The following EMB variants were observed in gnomAD, a reference collection of about 807,000 sequenced individuals.
The protein encoded by EMB is embigin homolog.
EMB carries 31 observed loss-of-function variants against 41.4 expected under a neutral mutation model. The observed-to-expected ratio is 0.75, with a 90% CI of 0.56 to 1.01. EMB has a LOEUF of 1.01. EMB is among the 50% of genes least tolerant of loss of function. The pLI is 0.00. For missense variants in EMB, 379 were observed against 388.3 expected, an observed-to-expected ratio of 0.98 and a Z score of 0.20; for synonymous variants, 137 against 140.4, an observed-to-expected ratio of 0.98 and a Z score of 0.17.
rs1745199056 is a variant in EMB, at chr5:50,403,409, A to G, written c.646T>C (p.Tyr216His). The G allele has an allele frequency of 1.2e-5, 20 of 1,612,480 alleles. No individual in the cohort carries two copies. The highest frequency in any genetic ancestry group is 1.7e-5 in the Non-Finnish European group (20 of 1,179,026). Reference sequence around the variant, plus strand: ...ATCTTCAGCTTTGTTTCGTTAGCATATGTTCCATTGATCACATATTTATTC... The same window carrying G: ...ATCTTCAGCTTTGTTTCGTTAGCATGTGTTCCATTGATCACATATTTATTC... ...QMNKYVINGT[Y>H]ANETKLKITQ... The change falls in exon 6 of 9, where the codon TAT becomes CAT. Residue 216 changes from tyrosine (Y) to histidine (H), a missense_variant. Physicochemically the swap from Tyr to His is moderately conservative, Grantham distance 83 (BLOSUM62 2). Transcript: ENST00000303221.
rs1289780142 is a variant in EMB at position 50,431,749 on chromosome 5, T to C, written c.113-3522A>G. Among the ~76,000 whole-genome samples, 10 of 152,214 alleles carry C rather than the reference T, an allele frequency of 6.6e-5. No homozygotes were observed. The East Asian group carries it at 1.9e-3, about 29-fold the overall frequency. On this transcript the variant is annotated intron_variant, in intron 1 of 8. Coordinates refer to ENST00000303221, the MANE Select transcript of EMB (RefSeq NM_198449.3). Reference sequence around the variant, plus strand: ...GGAAAATTTCCATATAGCATTCTTTTACAGGTAGAGACAAAAATATCAACA... The same window carrying C: ...GGAAAATTTCCATATAGCATTCTTTCACAGGTAGAGACAAAAATATCAACA...
chr5:50,409,971 A>G lies in EMB; in HGVS notation c.472+906T>C, dbSNP rs952919488. On this transcript the variant is annotated intron_variant, in intron 4 of 8. Transcript: ENST00000303221. Reference sequence around the variant, plus strand: ...ACTCTGTGAGTGCAGAAGGGATGCAATGAGGGACACAGGAGTGAACCATTA... The same window carrying G: ...ACTCTGTGAGTGCAGAAGGGATGCAGTGAGGGACACAGGAGTGAACCATTA... 3.3e-5 allele frequency among the ~76,000 whole-genome samples: 5 copies of G among 152,228 alleles called. No homozygotes were observed. In the South Asian group the frequency reaches 8.3e-4, roughly 25 times the overall value.
chr5:50,419,546 CAT>C (rs1447900051), intron 2 of EMB, among the ~76,000 whole-genome samples: 29 of 140,556 alleles, frequency 2.1e-4, no homozygotes, highest in African/African-American at 6.3e-4. Flanking sequence ...TACACACACA[CAT>C]ACACACACAC....
At chr5:50,433,450 T>G (rs774175731) in intron 1 of EMB, among the ~76,000 whole-genome samples, 3 of 152,214 alleles carry the variant, frequency 2.0e-5, no homozygotes, top group Non-Finnish European at 4.4e-5. Context: ...CAGTAACTTA[T>G]GCCAAATAAA....
chr5:50,425,964 A>G (rs1237270533), intron 2 of EMB, among the ~76,000 whole-genome samples: 1 of 152,172 alleles, frequency 6.6e-6, no homozygotes, highest in Non-Finnish European at 1.5e-5. Context: ...GATTGCAGGC[A>G]GCAAATGCAA....
intron 2 of EMB, among the ~76,000 whole-genome samples, chr5:50,416,206 C>A (rs1482358014): frequency 6.6e-6 from 1 of 152,198 alleles, no homozygotes; most frequent in African/African-American, 2.4e-5. Context: ...TTCCTTAATA[C>A]TGCACAACTG....
Position 50,403,161 on chromosome 5 carries a change from A to G in EMB, c.877+17T>C, listed in dbSNP as rs1307422868. ...TACTTTCTAAAAAAAACAAAAAACA[A>G]AAAAAAGAAATCCCACCTGAGTGCT... On this transcript the variant is annotated intron_variant, in intron 6 of 8. Transcript: ENST00000303221. The G allele has an allele frequency of 6.4e-7, 1 of 1,563,778 alleles. No homozygotes were observed. Among genetic ancestry groups the G allele is most frequent in the Non-Finnish European group, 8.6e-7 (1 of 1,162,006 alleles).
chr5:50,409,186 G>A (rs1441071411), intron 4 of EMB, among the ~76,000 whole-genome samples: 1 of 152,074 alleles, frequency 6.6e-6, no homozygotes, highest in African/African-American at 2.4e-5. Context: ...GAATCAAGAG[G>A]CCTTCCGTGT....
chr5:50,428,387 T>C, intron 1 of EMB, 160 bp from the exon 2 acceptor site: 6 of 1,198,810 alleles, frequency 5.0e-6, no homozygotes, highest in East Asian at 3.1e-5. Flanking sequence ...TTTAGAGATA[T>C]ATTAGGCTAT....
intron 2 of EMB, among the ~76,000 whole-genome samples, chr5:50,421,065 C>T (rs992236033): frequency 1.3e-5 from 2 of 152,120 alleles, no homozygotes; most frequent in African/African-American, 4.8e-5. Context: ...AGTTTAACTA[C>T]AACAGATACT....
chr5:50,414,528 CAA>C (rs34645448), intron 2 of EMB, among the ~76,000 whole-genome samples: 11,818 of 44,844 alleles, frequency 0.26, 145 homozygotes, highest in Non-Finnish European at 0.29. Context: ...CTGTCTCAGG[CAA>C]AAAAAAAAAA....
intron 5 of EMB, 62 bp from the exon 6 acceptor site, chr5:50,403,516 T>C (rs1745201615): frequency 6.5e-6 from 10 of 1,533,806 alleles, no homozygotes; most frequent in Non-Finnish European, 8.9e-6. Context: ...CATGACATAG[T>C]TTTTCAGTGA....
chr5:50,404,514 A>G (rs959048120), intron 5 of EMB, among the ~76,000 whole-genome samples: 7 of 151,990 alleles, frequency 4.6e-5, no homozygotes, highest in Admixed American at 2.6e-4. Flanking sequence ...TTAGAGTCAA[A>G]TTAAGAGGAT....
Position 50,399,002 on chromosome 5 carries a change from G to C in EMB, c.*271C>G, listed in dbSNP as rs1257343199. 5 of 284,058 alleles carry C rather than the reference G, an allele frequency of 1.8e-5. No homozygotes were observed. Among genetic ancestry groups the C allele is most frequent in the Non-Finnish European group, 2.7e-5 (4 of 150,172 alleles). 17.6% of individuals were successfully genotyped at this position (284,058 alleles called of 1,614,324 possible). A position where few individuals can be genotyped will look rare whatever the true frequency, so the allele number is the denominator to read the frequency against. ...AAGTGATTCTGCTGATATCTGTTCT[G>C]TGTGTCCTTTGAAGACCAGAATATA... is the stretch of plus-strand genomic sequence containing the variant. On this transcript the variant is annotated 3_prime_UTR_variant, in exon 9 of 9. Transcript: ENST00000303221.
intron 2 of EMB, among the ~76,000 whole-genome samples, chr5:50,426,898 GAAAAA>G (rs60515065): frequency 2.8e-5 from 3 of 105,618 alleles, no homozygotes; most frequent in Non-Finnish European, 6.4e-5. Context: ...CAGTAAAAAA[GAAAAA>G]AAAAAAAAAA....
intron 1 of EMB, among the ~76,000 whole-genome samples, chr5:50,439,325 T>A (rs1245517163): frequency 2.0e-5 from 3 of 152,066 alleles, no homozygotes; most frequent in African/African-American, 7.2e-5. Context: ...TTTCTTTCTT[T>A]TTTTTTGAGA....
intron 2 of EMB, among the ~76,000 whole-genome samples, chr5:50,414,251 C>T (rs1458066807): frequency 6.6e-6 from 1 of 151,898 alleles, no homozygotes; most frequent in Non-Finnish European, 1.5e-5. Context: ...TGGTCAGGTG[C>T]AATGGTTCAT....
At chr5:50,438,767 G>GTACATTATTCCACAATTTTA (rs1745847049) in intron 1 of EMB, among the ~76,000 whole-genome samples, 2 of 152,064 alleles carry the variant, frequency 1.3e-5, no homozygotes, top group Non-Finnish European at 2.9e-5. Flanking sequence ...CTTTTGTCTT[G>GTACATTATTCCACAATTTTA]TACATTATTC....
chr5:50,423,150 A>C (rs1745553147), intron 2 of EMB, among the ~76,000 whole-genome samples: 4 of 152,190 alleles, frequency 2.6e-5, no homozygotes, highest in Admixed American at 2.6e-4. Context: ...GATCTCCAAA[A>C]ACTAATGTTG....
Sources: gnomAD v4.1 joint callset for allele counts (sites outside exome capture counted in the v4.1 genomes callset) on GRCh38, gnomAD v4.1.1 for gene constraint, MANE v1.5 for transcripts, NCBI Gene and HGNC (gene_info 2026-07-23, HGNC 2026-07-21) for gene names.